RBFOX1: variants seen among roughly 807,000 people sequenced by gnomAD.
RBFOX1 encodes the protein RNA binding fox-1 homolog 1.
In RBFOX1, 8 loss-of-function variants were observed where a neutral mutation model predicts 57.7. The observed-to-expected ratio is 0.14, with a 90% CI of 0.08 to 0.25. The LOEUF is 0.25. Among genes scored for constraint, RBFOX1 ranks in the 10% least tolerant of loss-of-function variants. RBFOX1 has a pLI of 1.00. For synonymous variants in RBFOX1, 326 were observed against 222.4 expected, an observed-to-expected ratio of 1.47 and a Z score of -4.15; for missense variants, 611 against 548.5, an observed-to-expected ratio of 1.11 and a Z score of -1.14.
intron 3 of RBFOX1, among the ~76,000 whole-genome samples, chr16:6,661,691 G>A (rs140545283): frequency 4.6e-5 from 7 of 152,198 alleles, no homozygotes; most frequent in African/African-American, 9.6e-5. Flanking sequence ...ACTTTGATTC[G>A]AGCAAGACGA....
At chr16:5,851,485 C>G (rs2151865353) in intron 3 of RBFOX1, among the ~76,000 whole-genome samples, 1 of 152,252 alleles carries the variant, frequency 6.6e-6, no homozygotes, top group Non-Finnish European at 1.5e-5. Flanking sequence ...TAAGATTTAC[C>G]AGCCCTGCCG....
chr16:6,051,296 CCTGGTACTCA>C (rs2095549546), intron 1 of RBFOX1, among the ~76,000 whole-genome samples: 1 of 151,894 alleles, frequency 6.6e-6, no homozygotes, highest in Admixed American at 6.6e-5. Flanking sequence ...CTCCATCCAT[CCTGGTACTCA>C]GGCAAGAGAG....
chr16:5,449,049 CTG>C (rs908150542), intron 1 of RBFOX1, among the ~76,000 whole-genome samples: 2 of 152,156 alleles, frequency 1.3e-5, no homozygotes, highest in African/African-American at 4.8e-5. Context: ...GCCCCAAAGA[CTG>C]GACACGTTAC....
intron 2 of RBFOX1, among the ~76,000 whole-genome samples, chr16:6,333,800 T>C (rs2083317386): frequency 6.6e-6 from 1 of 152,186 alleles, no homozygotes; most frequent in African/African-American, 2.4e-5. Flanking sequence ...AAGATACTTG[T>C]CATCTGTCAG....
chr16:6,513,176 T>G (rs917508949), intron 2 of RBFOX1, among the ~76,000 whole-genome samples: 1 of 152,196 alleles, frequency 6.6e-6, no homozygotes, highest in African/African-American at 2.4e-5. Flanking sequence ...ACTTCATCTG[T>G]AAACTCATGA....
chr16:6,297,664 C>T (rs1366380320), intron 1 of RBFOX1, among the ~76,000 whole-genome samples: 1 of 151,992 alleles, frequency 6.6e-6, no homozygotes, highest in Non-Finnish European at 1.5e-5. Context: ...CTTTTTGGCC[C>T]ACCACACCCC....
At chr16:5,432,566 TTTTTTTTTG>T (rs1026820901) in intron 1 of RBFOX1, among the ~76,000 whole-genome samples, 1 of 149,118 alleles carries the variant, frequency 6.7e-6, no homozygotes, top group African/African-American at 2.5e-5. Context: ...TTTGTTTTTT[TTTTTTTTTG>T]GTTTTTCACT....
chr16:5,856,232 T>C lies in RBFOX1; in HGVS notation c.319-11071T>C, dbSNP rs201005506. On this transcript the variant is annotated intron_variant, in intron 3 of 19. Coordinates refer to the RBFOX1 transcript ENST00000641259. ...ACATATATATGTATATATATATGTA[T>C]ATATATGTGTATATATATGTATATA... is the stretch of plus-strand genomic sequence containing the variant. Among the ~76,000 whole-genome samples, 33 of 56,332 alleles carry C rather than the reference T, an allele frequency of 5.9e-4. 1 individual carries two copies. Among genetic ancestry groups the C allele is most frequent in the South Asian group, 2.4e-3 (4 of 1,650 alleles). The allele number at this position is 56,332 out of a possible 152,430, so 37.0% of individuals were successfully genotyped here.
intron 5 of RBFOX1, among the ~76,000 whole-genome samples, chr16:7,542,393 C>T (rs546026583): frequency 2.6e-5 from 4 of 152,060 alleles, no homozygotes; most frequent in South Asian, 2.1e-4. Flanking sequence ...CTGGATTACC[C>T]GGGTCTGCAG....
chr16:6,854,474 C>T (rs1471685735), intron 3 of RBFOX1, among the ~76,000 whole-genome samples: 1 of 151,910 alleles, frequency 6.6e-6, no homozygotes, highest in African/African-American at 2.4e-5. Flanking sequence ...TGAGGGCTGC[C>T]AGAAATAGGA....
chr16:6,938,603 G>T (rs2077772002), intron 3 of RBFOX1, among the ~76,000 whole-genome samples: 1 of 152,218 alleles, frequency 6.6e-6, no homozygotes, highest in East Asian at 1.9e-4. Context: ...GCTATGTGTG[G>T]TGGATTTAGT....
chr16:7,538,190 G>C (rs749910440), intron 5 of RBFOX1, among the ~76,000 whole-genome samples: 3 of 152,078 alleles, frequency 2.0e-5, no homozygotes, highest in Non-Finnish European at 4.4e-5. Context: ...GAGAGTGAGA[G>C]TTTGTTGAGG....
intron 3 of RBFOX1, among the ~76,000 whole-genome samples, chr16:6,929,927 C>G (rs949754292): frequency 1.3e-5 from 2 of 152,186 alleles, no homozygotes; most frequent in Admixed American, 1.3e-4. Flanking sequence ...AAAACATCCA[C>G]TATGCATTCC....
At chr16:6,541,281 A>G (rs2096813606) in intron 2 of RBFOX1, among the ~76,000 whole-genome samples, 1 of 152,204 alleles carries the variant, frequency 6.6e-6, no homozygotes, top group African/African-American at 2.4e-5. Context: ...ACATGAAGAT[A>G]TTCAACCTCC....
chr16:6,057,825 GTTTTTTTT>G (rs34335596), intron 1 of RBFOX1, among the ~76,000 whole-genome samples: 3 of 81,126 alleles, frequency 3.7e-5, no homozygotes, highest in African/African-American at 5.4e-5. Context: ...TTTGCTATGG[GTTTTTTTT>G]TTTTTTTTTT....
chr16:5,876,882 G>C (rs1273347537), intron 4 of RBFOX1, among the ~76,000 whole-genome samples: 1 of 152,158 alleles, frequency 6.6e-6, no homozygotes, highest in African/African-American at 2.4e-5. Context: ...GGCAAAAGGA[G>C]AGACAGACTC....
At chr16:6,914,773 C>T (rs1002875267) in intron 3 of RBFOX1, among the ~76,000 whole-genome samples, 2 of 152,108 alleles carry the variant, frequency 1.3e-5, no homozygotes, top group African/African-American at 4.8e-5. Flanking sequence ...ACTTTGAAGG[C>T]TGAAGCAAGG....
intron 4 of RBFOX1, among the ~76,000 whole-genome samples, chr16:7,418,296 A>G (rs1351707412): frequency 6.6e-6 from 1 of 152,198 alleles, no homozygotes; most frequent in African/African-American, 2.4e-5. Context: ...AAAGGACTGC[A>G]TGTTGTCTGT....
chr16:5,778,356 A>C (rs7204138), intron 3 of RBFOX1, among the ~76,000 whole-genome samples: 5,707 of 152,148 alleles, frequency 0.038, 367 homozygotes, highest in African/African-American at 0.13. Context: ...AGGACCCCCG[A>C]CCTGGCTAGT....
Sources: allele counts gnomAD v4.1 joint callset (sites outside exome capture counted in the v4.1 genomes callset), GRCh38; gene constraint gnomAD v4.1.1; transcripts MANE v1.5; gene names NCBI Gene and HGNC (gene_info 2026-07-23, HGNC 2026-07-21).